Variants in PARVB observed in about 807,000 individuals in gnomAD.
PARVB encodes the protein parvin beta.
A neutral mutation model predicts 47.0 loss-of-function variants in PARVB; 46 were observed. The observed-to-expected ratio is 0.98, with a 90% CI of 0.77 to 1.25. The LOEUF is 1.25. Ranked by LOEUF, PARVB falls within the 50% of genes most tolerant of loss-of-function variation. The pLI is 0.00. For synonymous variants in PARVB, 196 were observed against 196.3 expected (o/e 1.00, Z 0.01); for missense variants, 473 against 471.6 (o/e 1.00, Z -0.03).
chr22:44,124,445 T>C (rs944408639), intron 4 of PARVB, among the ~76,000 whole-genome samples: 5 of 152,196 alleles, frequency 3.3e-5, no homozygotes. Flanking sequence ...CCTGCTTTGA[T>C]GGACTGCACA....
At chr22:44,041,937 G>A (rs1277337458) in intron 1 of PARVB, among the ~76,000 whole-genome samples, 1 of 151,868 alleles carries the variant, frequency 6.6e-6, no homozygotes, top group African/African-American at 2.4e-5. Flanking sequence ...ACCCTACATA[G>A]GTGTCAGCCT....
intron 1 of PARVB, among the ~76,000 whole-genome samples, chr22:44,087,168 A>G (rs550499324): frequency 4.6e-5 from 7 of 152,198 alleles, no homozygotes; most frequent in African/African-American, 7.2e-5. Flanking sequence ...GGGATGGAGA[A>G]TGGCTGTTTT....
At position 44,103,374 on chromosome 22, in the gene PARVB, T is replaced by C. The variant is rs2147075814; in HGVS notation, c.273+3251T>C. 1 of 152,352 alleles carries C rather than the reference T, an allele frequency of 6.6e-6. No individual in the cohort carries two copies. Among genetic ancestry groups the C allele is most frequent in the South Asian group, 2.1e-4 (1 of 4,826 alleles). 9.4% of individuals were successfully genotyped at this position (152,352 alleles called of 1,614,324 possible). On this transcript the variant is annotated intron_variant, in intron 3 of 12. Coordinates refer to ENST00000338758, the MANE Select transcript of PARVB (RefSeq NM_013327.5). This position sits in a 1 kb window ranked among gnomAD's most constrained non-coding sequence, Gnocchi z 4.6. Reference sequence around the variant, plus strand: ...TGCATGGCTGATCATCAGCTGGGTTTTCTTCTGAAGCCATAGCCAGCTCAT... The same window carrying C: ...TGCATGGCTGATCATCAGCTGGGTTCTCTTCTGAAGCCATAGCCAGCTCAT...
intron 3 of PARVB, among the ~76,000 whole-genome samples, chr22:44,116,419 A>G (rs534701889): frequency 1.4e-4 from 22 of 152,140 alleles, no homozygotes; most frequent in Middle Eastern, 3.4e-3. Context: ...AACCATCACA[A>G]CCTGAAACTG....
intron 1 of PARVB, among the ~76,000 whole-genome samples, chr22:44,032,267 G>A (rs538451924): frequency 1.3e-4 from 20 of 152,262 alleles, no homozygotes; most frequent in African/African-American, 3.4e-4. Context: ...TTTTGGCCTC[G>A]TCCAGTCTCT....
chr22:44,074,765 G>A (rs1352704098), intron 1 of PARVB, among the ~76,000 whole-genome samples: 2 of 152,326 alleles, frequency 1.3e-5, no homozygotes, highest in African/African-American at 4.8e-5. Context: ...TGGGCGTGGG[G>A]GGCAGTTAGA....
intron 1 of PARVB, among the ~76,000 whole-genome samples, chr22:44,033,966 T>A (rs1403384205): frequency 1.3e-5 from 2 of 151,892 alleles, no homozygotes; most frequent in Non-Finnish European, 2.9e-5. Context: ...TTTAAACATG[T>A]GGATGGAGTG....
At chr22:44,161,258 G>A (rs909312939) in intron 11 of PARVB, among the ~76,000 whole-genome samples, 5 of 150,590 alleles carry the variant, frequency 3.3e-5, no homozygotes, top group African/African-American at 7.3e-5. Context: ...CAGATTCTAC[G>A]TTTCAGTCCT....
chr22:44,168,460 A>G (rs928677062), intron 12 of PARVB, 142 bp from the exon 13 acceptor site: 51 of 649,368 alleles, frequency 7.9e-5, no homozygotes, highest in Non-Finnish European at 1.4e-4. Context: ...CGTCCTGGAC[A>G]TGGTGGTGGC....
intron 1 of PARVB, among the ~76,000 whole-genome samples, chr22:44,054,737 C>T (rs2051272755): frequency 6.6e-6 from 1 of 151,724 alleles, no homozygotes; most frequent in Non-Finnish European, 1.5e-5. Context: ...ACCTGTAATC[C>T]CAGCACTTTG....
intron 2 of PARVB, among the ~76,000 whole-genome samples, chr22:44,099,731 G>T (rs1356973678): frequency 6.6e-6 from 1 of 152,200 alleles, no homozygotes; most frequent in Admixed American, 6.5e-5. Flanking sequence ...ATTCCGGCCA[G>T]CGGAGGCATC....
At chr22:44,003,422 C>G (rs2050432696) in intron 2 of PARVB, among the ~76,000 whole-genome samples, 1 of 152,092 alleles carries the variant, frequency 6.6e-6, no homozygotes, top group African/African-American at 2.4e-5. Flanking sequence ...GACATCCATT[C>G]CACCTGACTG....
At chr22:44,045,138 C>A (rs980366972) in intron 1 of PARVB, among the ~76,000 whole-genome samples, 14 of 152,042 alleles carry the variant, frequency 9.2e-5, no homozygotes. Context: ...GGTGCCCCTG[C>A]AGGGGCAGGG....
intron 12 of PARVB, among the ~76,000 whole-genome samples, chr22:44,165,241 G>A (rs545688850): frequency 3.3e-5 from 5 of 152,202 alleles, no homozygotes; most frequent in East Asian, 1.9e-4. Flanking sequence ...CAAGCGATTC[G>A]CCCATTACAG....
rs1418924168 is a variant in PARVB, at chr22:44,148,154, G to C, written c.774+232G>C. ...CTTCCTGCCCGCCCGCTCCGCTTCTGTTAAGTGAATTACCCAGCCCCCATT... is the reference window on the plus strand; with the variant it reads ...CTTCCTGCCCGCCCGCTCCGCTTCTCTTAAGTGAATTACCCAGCCCCCATT... On this transcript the variant is annotated intron_variant, in intron 9 of 12. Coordinates refer to ENST00000338758, the MANE Select transcript of PARVB (RefSeq NM_013327.5). 1.1e-5 allele frequency: 6 copies of C among 556,476 alleles called. No individual in the cohort carries two copies. The East Asian group carries it at 1.8e-4, about 17-fold the overall frequency. 34.5% of individuals were successfully genotyped at this position (556,476 alleles called of 1,614,324 possible). A position where few individuals can be genotyped will look rare whatever the true frequency, so the allele number is the denominator to read the frequency against.
chr22:44,163,864 A>G lies in PARVB; in HGVS notation c.952A>G (p.Asn318Asp), dbSNP rs1213778059. ...CACCCCCCTTCCTTGGCAGGTCCAC[A>G]ATGTGTCCTTCGCCTTTGAGCTGAT... is the stretch of plus-strand genomic sequence containing the variant. ...TPESFDQKVH[N>D]VSFAFELMLD... is the part of the protein sequence containing the mutation. Residue 318 changes from asparagine to aspartate, a missense_variant, in exon 12 of 13, where the codon AAT becomes GAT. Asn to Asp is a conservative substitution (Grantham distance 23, BLOSUM62 1). Transcript: ENST00000338758. The G allele has an allele frequency of 1.9e-6, 3 of 1,608,716 alleles. No homozygotes were observed. Among genetic ancestry groups the G allele is most frequent in the Middle Eastern group, 1.7e-4 (1 of 6,056 alleles).
chr22:44,018,846 G>A (rs981925603), intron 2 of PARVB, among the ~76,000 whole-genome samples: 18 of 152,182 alleles, frequency 1.2e-4, no homozygotes, highest in Admixed American at 7.9e-4. Context: ...TGGTTGACTC[G>A]TGCGCTGCCC....
chr22:44,014,775 G>C (rs2050558773), intron 2 of PARVB, among the ~76,000 whole-genome samples: 1 of 151,928 alleles, frequency 6.6e-6, no homozygotes, highest in African/African-American at 2.4e-5. Context: ...ATACAACTTA[G>C]TCCACAGCCA....
At chr22:44,137,067 C>G (rs1055411274) in intron 7 of PARVB, among the ~76,000 whole-genome samples, 16 of 152,228 alleles carry the variant, frequency 1.1e-4, no homozygotes, top group Admixed American at 7.2e-4. Flanking sequence ...TGCTAAGAAT[C>G]TTTAGAATTC....
Sources: allele counts gnomAD v4.1 joint callset (sites outside exome capture counted in the v4.1 genomes callset), GRCh38; gene constraint gnomAD v4.1.1; non-coding constraint Gnocchi (gnomAD v3.1); transcripts MANE v1.5; gene names NCBI Gene and HGNC (gene_info 2026-07-23, HGNC 2026-07-21).